Variants in NINJ2 observed in about 807,000 individuals in gnomAD.
The protein encoded by NINJ2 is ninjurin 2.
NINJ2 carries 12 observed loss-of-function variants against 11.7 expected under a neutral mutation model. The observed-to-expected ratio is 1.02, with a 90% CI of 0.66 to 1.66. The LOEUF is 1.66. Among genes scored for constraint, NINJ2 ranks in the 40% most tolerant of loss-of-function variants. The pLI, the probability that NINJ2 is intolerant of heterozygous loss-of-function variation, is 0.00. For missense variants in NINJ2, 187 were observed against 181.8 expected (o/e 1.03, Z -0.16); for synonymous variants, 93 against 76.8 (o/e 1.21, Z -1.10).
At chr12:648,080 CA>C (rs896692187) in intron 1 of NINJ2, among the ~76,000 whole-genome samples, 2 of 152,096 alleles carry the variant, frequency 1.3e-5, no homozygotes, top group African/African-American at 2.4e-5. Flanking sequence ...TCAACAAATA[CA>C]TTTTTTTTTG....
chr12:575,566 C>T (rs114200575), intron 1 of NINJ2, among the ~76,000 whole-genome samples: 1 of 152,162 alleles, frequency 6.6e-6, no homozygotes, highest in Non-Finnish European at 1.5e-5. Context: ...TGCTCCCTGG[C>T]CTGTGCTGGC....
At chr12:657,832 C>T (rs1212218220) in intron 1 of NINJ2, among the ~76,000 whole-genome samples, 2 of 152,110 alleles carry the variant, frequency 1.3e-5, no homozygotes, top group Non-Finnish European at 2.9e-5. Flanking sequence ...CTATTCATTG[C>T]TGGTGGACAT....
At chr12:571,007 A>T (rs1257417883) in intron 1 of NINJ2, among the ~76,000 whole-genome samples, 2 of 152,098 alleles carry the variant, frequency 1.3e-5, no homozygotes, top group Non-Finnish European at 2.9e-5. Context: ...TCCCAGGCTG[A>T]GATCCCTCTC....
At chr12:652,479 C>G (rs771337670) in intron 1 of NINJ2, among the ~76,000 whole-genome samples, 4 of 152,068 alleles carry the variant, frequency 2.6e-5, no homozygotes, top group Non-Finnish European at 4.4e-5. Context: ...GTCTGTAATC[C>G]CAGCTCTTGG....
chr12:601,558 A>T (rs1351148767), intron 1 of NINJ2, among the ~76,000 whole-genome samples: 23 of 150,800 alleles, frequency 1.5e-4, no homozygotes, highest in Non-Finnish European at 2.5e-4. Flanking sequence ...CAAAAAAAAA[A>T]AAAAATAAAT....
At position 585,507 on chromosome 12, in the gene NINJ2, CGGT is replaced by C. The variant is rs1947622000; in HGVS notation, c.34-19332_34-19330del. Among the ~76,000 whole-genome samples the C allele has an allele frequency of 6.7e-6, 1 of 148,218 alleles. No individual in the cohort carries two copies. The highest frequency in any genetic ancestry group is 2.2e-4 in the South Asian group (1 of 4,538). ...AACGGTTGGAGGGAAGGGAAGGGAA[CGGT>C]TGGAGGGAAGGGAAGGGAACGGTTG... On this transcript the variant is annotated intron_variant, in intron 1 of 3. Transcript: ENST00000305108. This position sits in a 1 kb window ranked among gnomAD's most constrained non-coding sequence, Gnocchi z 4.1.
intron 1 of NINJ2, chr12:586,569 C>T (rs942255144): frequency 1.3e-5 from 2 of 152,354 alleles, no homozygotes; most frequent in African/African-American, 4.8e-5. Flanking sequence ...CGCACGCCCA[C>T]TCAAAGGCAT....
At chr12:604,455 T>C (rs1159697202) in intron 1 of NINJ2, among the ~76,000 whole-genome samples, 1 of 152,008 alleles carries the variant, frequency 6.6e-6, no homozygotes, top group Non-Finnish European at 1.5e-5. Context: ...CTGGTCAACA[T>C]GGTGAAACCC....
At position 567,246 on chromosome 12, in the gene NINJ2, T is replaced by C. The variant is rs1276304358; in HGVS notation, c.34-1068A>G. On this transcript the variant is annotated intron_variant, in intron 1 of 3. Transcript: ENST00000305108. ...TGCAGAGTGGGGAGAGACGGATGGATTGAAGGATGCTATGGCCTGGAGGTA... is the reference window on the plus strand; with the variant it reads ...TGCAGAGTGGGGAGAGACGGATGGACTGAAGGATGCTATGGCCTGGAGGTA... Among the ~76,000 whole-genome samples the C allele has an allele frequency of 2.0e-5, 3 of 148,206 alleles. No homozygotes were observed. The East Asian group carries it at 6.0e-4, about 30-fold the overall frequency.
At chr12:574,207 A>G (rs1433797008) in intron 1 of NINJ2, among the ~76,000 whole-genome samples, 3 of 152,120 alleles carry the variant, frequency 2.0e-5, no homozygotes, top group African/African-American at 7.2e-5. Flanking sequence ...GGGCAACAAG[A>G]GCAAAACTCT....
intron 1 of NINJ2, among the ~76,000 whole-genome samples, chr12:577,448 T>TATACATATATATATGTGTATA: frequency 8.5e-5 from 12 of 141,964 alleles, no homozygotes; most frequent in African/African-American, 1.0e-4. Flanking sequence ...TATATAAATA[T>TATACATATATATATGTGTATA]TTTGGCACGA....
At chr12:567,609 T>C (rs1033742999) in intron 1 of NINJ2, among the ~76,000 whole-genome samples, 3 of 152,190 alleles carry the variant, frequency 2.0e-5, no homozygotes, top group African/African-American at 7.2e-5. Context: ...GTCACTTCAC[T>C]TCTCTGTACC....
At chr12:572,549 T>C (rs112790038) in intron 1 of NINJ2, among the ~76,000 whole-genome samples, 1,819 of 152,316 alleles carry the variant, frequency 0.012, 40 homozygotes, top group African/African-American at 0.041. Context: ...GTATCAGTCC[T>C]CTTGTCAGAA....
intron 1 of NINJ2, chr12:610,628 C>G: frequency 4.1e-6 from 4 of 984,906 alleles, no homozygotes; most frequent in Non-Finnish European, 4.8e-6. Flanking sequence ...CAGGCAGGGA[C>G]TTAATATGTG....
chr12:583,467 C>CT (rs1483846508), intron 1 of NINJ2, among the ~76,000 whole-genome samples: 1 of 152,248 alleles, frequency 6.6e-6, no homozygotes, highest in African/African-American at 2.4e-5. Flanking sequence ...CTGAGGCTGC[C>CT]ACCTGGCACC....
At chr12:573,293 C>A (rs530110750) in intron 1 of NINJ2, among the ~76,000 whole-genome samples, 1 of 152,234 alleles carries the variant, frequency 6.6e-6, no homozygotes, top group African/African-American at 2.4e-5. Context: ...TCCCAAAGTA[C>A]TGGGATTATA....
At chr12:641,535 T>C (rs1160580349) in intron 1 of NINJ2, among the ~76,000 whole-genome samples, 1 of 152,140 alleles carries the variant, frequency 6.6e-6, no homozygotes, top group Non-Finnish European at 1.5e-5. Flanking sequence ...CTGATAAGAC[T>C]CTTGTGCTAA....
chr12:609,621 A>G (rs970211321), intron 1 of NINJ2, among the ~76,000 whole-genome samples: 1 of 151,768 alleles, frequency 6.6e-6, no homozygotes. Flanking sequence ...TACAAAAAAA[A>G]TTAGCCGGGC....
intron 1 of NINJ2, among the ~76,000 whole-genome samples, chr12:597,988 G>A (rs548323838): frequency 6.6e-6 from 1 of 152,316 alleles, no homozygotes; most frequent in South Asian, 2.1e-4. Context: ...TTTCTTTGTA[G>A]CTCTGGGCTA....
Sources: allele counts gnomAD v4.1 joint callset (sites outside exome capture counted in the v4.1 genomes callset), GRCh38; gene constraint gnomAD v4.1.1; non-coding constraint Gnocchi (gnomAD v3.1); transcripts MANE v1.5; gene names NCBI Gene and HGNC (gene_info 2026-07-23, HGNC 2026-07-21).